TENM2: variants seen among roughly 807,000 people sequenced by gnomAD.
TENM2 encodes teneurin-2.
In TENM2, 52 loss-of-function variants were observed where a neutral mutation model predicts 245.2. The ratio of observed to expected loss-of-function variants is 0.21; its 90% confidence interval spans 0.17 to 0.27. The LOEUF is 0.27. Among genes scored for constraint, TENM2 ranks in the 10% least tolerant of loss-of-function variants. The pLI is 1.00. For missense variants in TENM2, 3,046 were observed against 3,666.8 expected (o/e 0.83, Z 4.37); for synonymous variants, 1,363 against 1,438.9 (o/e 0.95, Z 1.19).
At chr5:167,342,794 T>A (rs1758198412) in intron 1 of TENM2, among the ~76,000 whole-genome samples, 1 of 151,786 alleles carries the variant, frequency 6.6e-6, no homozygotes, top group Non-Finnish European at 1.5e-5. Context: ...CCCAAAGTGC[T>A]GGGATTACAG....
intron 2 of TENM2, among the ~76,000 whole-genome samples, chr5:167,873,182 C>CTTTGA (rs1376827132): frequency 6.6e-6 from 1 of 152,214 alleles, no homozygotes; most frequent in East Asian, 1.9e-4. Context: ...ATGAAGGAGC[C>CTTTGA]ACTTTGAACT....
At chr5:168,231,738 T>C (rs77512633) in intron 25 of TENM2, among the ~76,000 whole-genome samples, 2,159 of 145,502 alleles carry the variant, frequency 0.015, 35 homozygotes, top group East Asian at 0.06. Context: ...AACCGCAATA[T>C]AGCAAAACCC....
At chr5:167,490,569 C>T (rs998790549) in intron 2 of TENM2, among the ~76,000 whole-genome samples, 1 of 151,930 alleles carries the variant, frequency 6.6e-6, no homozygotes, top group African/African-American at 2.4e-5. Flanking sequence ...ATATATGGTA[C>T]ACAGATCTCT....
intron 2 of TENM2, among the ~76,000 whole-genome samples, chr5:167,477,982 G>A (rs551446104): frequency 6.6e-6 from 1 of 152,250 alleles, no homozygotes; most frequent in South Asian, 2.1e-4. Context: ...AGGGAATTAC[G>A]GTTCATTCAA....
chr5:167,113,535 T>G, the TENM2 span, among the ~76,000 whole-genome samples: 1 of 151,316 alleles, frequency 6.6e-6, no homozygotes, highest in South Asian at 2.1e-4. Flanking sequence ...CCCAGTTACT[T>G]GGGAGGCTGA....
chr5:167,756,392 G>A (rs985102868), intron 2 of TENM2, among the ~76,000 whole-genome samples: 5 of 152,210 alleles, frequency 3.3e-5, no homozygotes, highest in East Asian at 1.9e-4. Context: ...GTTTAGGAAC[G>A]TGGGTTCCTG....
chr5:167,215,931 A>G, the TENM2 span, among the ~76,000 whole-genome samples: 4 of 152,246 alleles, frequency 2.6e-5, no homozygotes, highest in African/African-American at 9.6e-5. Context: ...CATAAAGTTC[A>G]CCTGTTTAAA....
the TENM2 span, among the ~76,000 whole-genome samples, chr5:167,202,759 G>A: frequency 6.6e-6 from 1 of 152,074 alleles, no homozygotes; most frequent in Non-Finnish European, 1.5e-5. Flanking sequence ...TCACACGGGA[G>A]GATGATGTTG....
intron 8 of TENM2, among the ~76,000 whole-genome samples, chr5:168,093,132 A>G (rs1793083404): frequency 6.6e-6 from 1 of 152,166 alleles, no homozygotes; most frequent in Non-Finnish European, 1.5e-5. Context: ...TAGCCAACTA[A>G]ATCCTTTTCC....
At chr5:167,573,494 T>A (rs753067989) in intron 2 of TENM2, among the ~76,000 whole-genome samples, 7 of 146,418 alleles carry the variant, frequency 4.8e-5, no homozygotes, top group Non-Finnish European at 8.9e-5. Context: ...TTTCTTGATG[T>A]TCTCTGTCTC....
chr5:168,220,338 G>T (rs1423378174), intron 23 of TENM2, among the ~76,000 whole-genome samples: 2 of 152,172 alleles, frequency 1.3e-5, no homozygotes, highest in Non-Finnish European at 2.9e-5. Context: ...AGCCTGAACT[G>T]GGCCTGGTTT....
chr5:167,776,092 G>A (rs1163208602), intron 2 of TENM2, among the ~76,000 whole-genome samples: 1 of 148,414 alleles, frequency 6.7e-6, no homozygotes, highest in East Asian at 2.0e-4. Context: ...TAAATATATT[G>A]TTAAGTGAAA....
chr5:167,371,584 C>A (rs909354072), intron 1 of TENM2, among the ~76,000 whole-genome samples: 9 of 152,016 alleles, frequency 5.9e-5, no homozygotes, highest in African/African-American at 2.2e-4. Flanking sequence ...TGGTCTCGAA[C>A]TCTTGACCTC....
chr5:167,492,786 C>T (rs1262418904), intron 2 of TENM2, among the ~76,000 whole-genome samples: 1 of 151,904 alleles, frequency 6.6e-6, no homozygotes, highest in Non-Finnish European at 1.5e-5. Context: ...GTATCTTGTG[C>T]CATGATAGGG....
At chr5:168,023,075 G>T (rs1332814157) in intron 5 of TENM2, among the ~76,000 whole-genome samples, 1 of 152,180 alleles carries the variant, frequency 6.6e-6, no homozygotes, top group Non-Finnish European at 1.5e-5. Context: ...TTTTGCTACT[G>T]TCAGCATGCA....
At chr5:167,308,508 T>C (rs986728514) in intron 1 of TENM2, among the ~76,000 whole-genome samples, 2 of 152,222 alleles carry the variant, frequency 1.3e-5, no homozygotes, top group African/African-American at 4.8e-5. Flanking sequence ...GACATGATTA[T>C]GCACTGACAG....
intron 2 of TENM2, among the ~76,000 whole-genome samples, chr5:167,545,539 G>C (rs1024717656): frequency 6.6e-6 from 1 of 152,018 alleles, no homozygotes; most frequent in Non-Finnish European, 1.5e-5. Context: ...AAATAATCGT[G>C]GTTAATTTTT....
the TENM2 span, among the ~76,000 whole-genome samples, chr5:167,190,303 A>T: frequency 6.6e-6 from 1 of 152,068 alleles, no homozygotes; most frequent in East Asian, 1.9e-4. Context: ...ACTTTTCAGA[A>T]CAGGACCAGG....
the TENM2 span, among the ~76,000 whole-genome samples, chr5:167,144,779 A>T: frequency 1.3e-5 from 2 of 152,210 alleles, no homozygotes; most frequent in East Asian, 3.9e-4. Context: ...TTAGCTAAGA[A>T]AGCATTGCTT....
Sources: gnomAD v4.1 joint callset for allele counts (sites outside exome capture counted in the v4.1 genomes callset) on GRCh38, gnomAD v4.1.1 for gene constraint, MANE v1.5 for transcripts, NCBI Gene and HGNC (gene_info 2026-07-23, HGNC 2026-07-21) for gene names.